Variants in PMFBP1 observed in about 807,000 individuals in gnomAD.
PMFBP1 encodes polyamine modulated factor 1 binding protein 1.
In PMFBP1, 131 loss-of-function variants were observed where a neutral mutation model predicts 137.8. The ratio of observed to expected loss-of-function variants is 0.95; its 90% CI spans 0.82 to 1.10. The LOEUF is 1.10. PMFBP1 is among the 50% of genes least tolerant of loss of function. The pLI is 0.00. For synonymous variants in PMFBP1, 490 were observed against 450.4 expected (o/e 1.09, Z -1.11); for missense variants, 1,199 against 1,175.4 (o/e 1.02, Z -0.29).
At chr16:72,158,626 A>G (rs973160502) in intron 3 of PMFBP1, among the ~76,000 whole-genome samples, 1 of 152,184 alleles carries the variant, frequency 6.6e-6, no homozygotes, top group Non-Finnish European at 1.5e-5. Flanking sequence ...TAACGTGGAC[A>G]GAATTAATGC....
chr16:72,235,631 C>G, the PMFBP1 span, among the ~76,000 whole-genome samples: 1 of 151,952 alleles, frequency 6.6e-6, no homozygotes, highest in South Asian at 2.1e-4. Flanking sequence ...TGACAGCTGT[C>G]TTCCAATCCA....
chr16:72,139,750 G>A (rs1163079516), intron 6 of PMFBP1, among the ~76,000 whole-genome samples: 1 of 152,176 alleles, frequency 6.6e-6, no homozygotes, highest in African/African-American at 2.4e-5. Flanking sequence ...GAGAATTAAA[G>A]AAGGAAGTTC....
upstream of PMFBP1, chr16:72,174,099 A>G (rs755645045): frequency 6.6e-6 from 1 of 152,184 alleles, no homozygotes; most frequent in Non-Finnish European, 1.5e-5. Context: ...TGAAAACAAA[A>G]ACTTGGTCAG....
chr16:72,241,179 A>G, the PMFBP1 span, among the ~76,000 whole-genome samples: 2 of 152,112 alleles, frequency 1.3e-5, no homozygotes, highest in African/African-American at 4.8e-5. Flanking sequence ...CAGATAAAGC[A>G]CCTGCAGGCT....
In PMFBP1 at chr16:72,164,755, G is replaced by A; in HGVS notation, c.165+9C>T. 3 of 1,581,902 alleles carry A rather than the reference G, an allele frequency of 1.9e-6. No homozygotes were observed. Among genetic ancestry groups the A allele is most frequent in the Middle Eastern group, 1.9e-4 (1 of 5,372 alleles). ...AGCAGGGGTGAGCGGCTGCTGCCAA[G>A]TCCCTTACGTGGCTGCTGTTCATTG... On this transcript the variant is annotated intron_variant, in intron 3 of 20. Transcript: ENST00000237353.
intron 10 of PMFBP1, 46 bp from the exon 11 acceptor site, chr16:72,130,768 A>G: frequency 6.5e-7 from 1 of 1,538,536 alleles, no homozygotes; most frequent in Non-Finnish European, 8.8e-7. Flanking sequence ...GGGTGTATGA[A>G]GATCACACTC....
chr16:72,209,779 C>T, the PMFBP1 span, among the ~76,000 whole-genome samples: 1 of 152,144 alleles, frequency 6.6e-6, no homozygotes, highest in Non-Finnish European at 1.5e-5. Context: ...GACCCATACA[C>T]GAGAAGTGAC....
chr16:72,141,199 A>G (rs2042717074), intron 5 of PMFBP1, among the ~76,000 whole-genome samples: 1 of 152,144 alleles, frequency 6.6e-6, no homozygotes. Flanking sequence ...AGTCTCCCAA[A>G]GTGCTGGGAT....
At chr16:72,244,735 G>A in the PMFBP1 span, among the ~76,000 whole-genome samples, 1 of 152,170 alleles carries the variant, frequency 6.6e-6, no homozygotes, top group Non-Finnish European at 1.5e-5. Flanking sequence ...TAAATGCTGG[G>A]AGAAATATTC....
chr16:72,214,125 G>T, the PMFBP1 span, among the ~76,000 whole-genome samples: 21 of 152,158 alleles, frequency 1.4e-4, no homozygotes, highest in Non-Finnish European at 2.6e-4. Context: ...AGTTGAAAGT[G>T]GTTGCCCTTG....
the PMFBP1 span, among the ~76,000 whole-genome samples, chr16:72,239,580 T>G: frequency 6.6e-6 from 1 of 152,166 alleles, no homozygotes; most frequent in African/African-American, 2.4e-5. Flanking sequence ...TTATCATTAC[T>G]ATCATCTAGT....
chr16:72,230,651 A>G, the PMFBP1 span, among the ~76,000 whole-genome samples: 1 of 152,168 alleles, frequency 6.6e-6, no homozygotes, highest in Admixed American at 6.5e-5. Flanking sequence ...AACACTTGGG[A>G]GTCATGATCA....
In PMFBP1 at chr16:72,119,924, G is replaced by A. The variant is rs1372459124; in HGVS notation, c.2934C>T (p.Gly978=). Residue 978 remains glycine (G), a synonymous_variant, in exon 20 of 21, where the codon GGC becomes GGT. Coordinates refer to ENST00000237353, the MANE Select transcript of PMFBP1 (RefSeq NM_031293.3). ...TQREKVCGTL[G]WKGLPQDMGQ... is the part of the protein sequence containing the mutation. ...CCATATCCTGGGGCAACCCCTTCCA[G>A]CCCAAGGTGCCGCACACTTTCTCCC... 2.5e-6 allele frequency: 4 copies of A among 1,614,092 alleles called. No individual in the cohort carries two copies. Among genetic ancestry groups the A allele is most frequent in the Non-Finnish European group, 3.4e-6 (4 of 1,180,048 alleles).
intron 5 of PMFBP1, among the ~76,000 whole-genome samples, chr16:72,141,095 G>A (rs894067284): frequency 6.6e-6 from 1 of 151,882 alleles, no homozygotes; most frequent in African/African-American, 2.4e-5. Context: ...CCACCATGCC[G>A]GGCTAATTTT....
chr16:72,195,789 A>T, the PMFBP1 span, among the ~76,000 whole-genome samples: 1 of 152,246 alleles, frequency 6.6e-6, no homozygotes, highest in African/African-American at 2.4e-5. Flanking sequence ...TCCCACACAA[A>T]GGCTGCGGCC....
chr16:72,245,866 C>G, the PMFBP1 span, among the ~76,000 whole-genome samples: 1 of 152,180 alleles, frequency 6.6e-6, no homozygotes, highest in Non-Finnish European at 1.5e-5. Flanking sequence ...ATTTGAACAC[C>G]CAGCATGACA....
chr16:72,188,377 GTTC>G, the PMFBP1 span, among the ~76,000 whole-genome samples: 1 of 152,218 alleles, frequency 6.6e-6, no homozygotes, highest in East Asian at 1.9e-4. Context: ...AGGGGGCACA[GTTC>G]TTCTCTCTTA....
At chr16:72,147,817 T>C (rs148720886) in intron 5 of PMFBP1, among the ~76,000 whole-genome samples, 6,954 of 152,236 alleles carry the variant, frequency 0.046, 220 homozygotes, top group Middle Eastern at 0.088. Context: ...AAAACCACAA[T>C]GAGATACCAT....
the PMFBP1 span, among the ~76,000 whole-genome samples, chr16:72,241,598 G>A: frequency 6.6e-6 from 1 of 152,094 alleles, no homozygotes; most frequent in African/African-American, 2.4e-5. Flanking sequence ...ACTTCATGGG[G>A]GTGGGTTCAG....
Sources: gnomAD v4.1 joint callset for allele counts (sites outside exome capture counted in the v4.1 genomes callset) on GRCh38, gnomAD v4.1.1 for gene constraint, MANE v1.5 for transcripts, NCBI Gene and HGNC (gene_info 2026-07-23, HGNC 2026-07-21) for gene names.